USH2A: variants seen among roughly 807,000 people sequenced by gnomAD.
USH2A encodes the protein Usher syndrome 2A (autosomal recessive, mild).
Under a neutral mutation model 538.9 loss-of-function variants are expected in USH2A, and 443 were observed. The observed-to-expected ratio is 0.82, with a 90% CI of 0.76 to 0.89. The LOEUF (loss-of-function observed/expected upper bound fraction) is 0.89. Among genes scored for constraint, USH2A ranks in the 40% least tolerant of loss-of-function variants. The pLI is 0.00. For synonymous variants in USH2A, 2,413 were observed against 2,273.5 expected, an observed-to-expected ratio of 1.06 and a Z score of -1.75; for missense variants, 6,633 against 6,324.8, an observed-to-expected ratio of 1.05 and a Z score of -1.65.
chr1:215,898,388 C>A (rs556619044), intron 40 of USH2A, among the ~76,000 whole-genome samples: 2 of 152,128 alleles, frequency 1.3e-5, no homozygotes, highest in East Asian at 1.9e-4. Context: ...AAAAAGGAGA[C>A]CAAAGGTAAG....
intron 11 of USH2A, among the ~76,000 whole-genome samples, chr1:216,276,589 T>C (rs918092162): frequency 6.6e-6 from 1 of 152,106 alleles, no homozygotes; most frequent in African/African-American, 2.4e-5. Context: ...TGTACTCGTC[T>C]GTTTTCACGC....
intron 11 of USH2A, among the ~76,000 whole-genome samples, chr1:216,281,844 C>T (rs577571150): frequency 1.3e-5 from 2 of 149,396 alleles, no homozygotes; most frequent in African/African-American, 4.9e-5. Flanking sequence ...TCCACATCCT[C>T]ACCAAATTTT....
Position 215,780,061 on chromosome 1 carries a change from G to A in USH2A, c.10741-20C>T, listed in dbSNP as rs1280004875. ...AACTACCTGAAGACGTAGGAATTAA[G>A]CAGCAATTTATTGTAATAGTGCACT... On this transcript the variant is annotated intron_variant, in intron 54 of 71. Transcript: ENST00000307340. 2 of 1,613,672 alleles carry A rather than the reference G, an allele frequency of 1.2e-6. No individual in the cohort carries two copies. The highest frequency in any genetic ancestry group is 1.1e-5 in the South Asian group (1 of 91,042).
At chr1:216,419,529 T>C (rs1381057624) in intron 2 of USH2A, among the ~76,000 whole-genome samples, 2 of 152,112 alleles carry the variant, frequency 1.3e-5, no homozygotes, top group African/African-American at 4.8e-5. Flanking sequence ...TGCTTGGTCC[T>C]GGCACCCTTC....
At chr1:215,908,014 G>A (rs61313936) in intron 38 of USH2A, among the ~76,000 whole-genome samples, 23,919 of 151,952 alleles carry the variant, frequency 0.16, 2,004 homozygotes, top group African/African-American at 0.19. Context: ...TTTAACATAA[G>A]TGAGATTAAT....
chr1:216,098,787 A>T (rs1223315476), intron 21 of USH2A, among the ~76,000 whole-genome samples: 1 of 151,804 alleles, frequency 6.6e-6, no homozygotes, highest in Non-Finnish European at 1.5e-5. Context: ...TGGTATAGGG[A>T]TGTATACAAA....
At chr1:215,949,750 A>C (rs1666866680) in intron 37 of USH2A, among the ~76,000 whole-genome samples, 1 of 152,124 alleles carries the variant, frequency 6.6e-6, no homozygotes, top group Non-Finnish European at 1.5e-5. Flanking sequence ...AATCTGAAGT[A>C]CTACATCATA....
At chr1:216,143,456 T>C (rs894836695) in intron 21 of USH2A, among the ~76,000 whole-genome samples, 5 of 152,168 alleles carry the variant, frequency 3.3e-5, no homozygotes, top group African/African-American at 1.2e-4. Context: ...TGAACATTAT[T>C]TGTACCTACA....
At position 216,312,689 on chromosome 1, in the gene USH2A, T is replaced by C. The variant is rs531999684; in HGVS notation, c.1644+9194A>G. On this transcript the variant is annotated intron_variant, in intron 9 of 71. Coordinates refer to ENST00000307340, the MANE Select transcript of USH2A (RefSeq NM_206933.4). ...GCTTATATTGCCATCTATTTTTGCA[T>C]GTTGTCTACTTTTTCCATTAGAGCC... 3.0e-4 allele frequency among the ~76,000 whole-genome samples: 45 copies of C among 152,320 alleles called. No homozygotes were observed. The South Asian group carries it at 7.2e-3, about 25-fold the overall frequency.
chr1:216,400,216 T>TTATATATATATATA (rs71161422), intron 3 of USH2A, among the ~76,000 whole-genome samples: 1 of 147,226 alleles, frequency 6.8e-6, no homozygotes, highest in African/African-American at 2.5e-5. Context: ...GAAATAGAAG[T>TTATATATATATATA]TATATATATA....
At chr1:216,259,325 G>A (rs2036320721) in intron 11 of USH2A, among the ~76,000 whole-genome samples, 1 of 152,130 alleles carries the variant, frequency 6.6e-6, no homozygotes, top group Non-Finnish European at 1.5e-5. Flanking sequence ...GTGTTTTAAT[G>A]TAGTAACTAC....
At chr1:216,250,316 C>A (rs906259575) in intron 12 of USH2A, among the ~76,000 whole-genome samples, 8 of 152,112 alleles carry the variant, frequency 5.3e-5, no homozygotes, top group African/African-American at 1.7e-4. Context: ...TTATTATAAT[C>A]AACTTGGTGC....
rs781049371 is a variant in USH2A at position 216,250,883 on chromosome 1, A to G, written c.2167+20T>C. On this transcript the variant is annotated intron_variant, in intron 12 of 71. Coordinates refer to ENST00000307340, the MANE Select transcript of USH2A (RefSeq NM_206933.4). ...AGATGGTAATAGAGATGTGACTGTAAACTTTTGCGTTACACGTACCAATAA... is the reference window on the plus strand; with the variant it reads ...AGATGGTAATAGAGATGTGACTGTAGACTTTTGCGTTACACGTACCAATAA... 6.2e-7 allele frequency: 1 copy of G among 1,612,982 alleles called. No individual in the cohort carries two copies. Among genetic ancestry groups the G allele is most frequent in the Non-Finnish European group, 8.5e-7 (1 of 1,179,396 alleles).
chr1:215,879,232 G>A, intron 41 of USH2A, 134 bp from the exon 42 acceptor site: 1 of 746,290 alleles, frequency 1.3e-6, no homozygotes, highest in Non-Finnish European at 2.4e-6. Context: ...TGAGGCCTTT[G>A]GACTAGACAG....
intron 11 of USH2A, among the ~76,000 whole-genome samples, chr1:216,287,281 G>C (rs2036904315): frequency 1.3e-5 from 2 of 152,082 alleles, no homozygotes; most frequent in Non-Finnish European, 2.9e-5. Flanking sequence ...GAAAAACTAG[G>C]AATAGAGAAA....
At chr1:215,803,772 G>A (rs1480082182) in intron 49 of USH2A, among the ~76,000 whole-genome samples, 1 of 151,896 alleles carries the variant, frequency 6.6e-6, no homozygotes, top group Non-Finnish European at 1.5e-5. Context: ...TCACAGAATT[G>A]GAAAAAACTA....
chr1:215,812,120 G>T (rs1046292848), intron 49 of USH2A, among the ~76,000 whole-genome samples: 2 of 150,430 alleles, frequency 1.3e-5, no homozygotes, highest in African/African-American at 4.9e-5. Flanking sequence ...GAGAAGCTGG[G>T]ATTACAGGAG....
chr1:215,781,437 T>A (rs77415019), intron 54 of USH2A, among the ~76,000 whole-genome samples: 1 of 152,200 alleles, frequency 6.6e-6, no homozygotes, highest in African/African-American at 2.4e-5. Context: ...AAGCAGATAT[T>A]TGACAATATC....
intron 45 of USH2A, 71 bp from the exon 46 acceptor site, chr1:215,844,567 ATTAGTAT>A: frequency 6.6e-7 from 1 of 1,526,438 alleles, no homozygotes; most frequent in East Asian, 2.3e-5. Context: ...CTAAATGCAG[ATTAGTAT>A]TTAGGTTTAG....
Sources: gnomAD v4.1 joint callset for allele counts (sites outside exome capture counted in the v4.1 genomes callset) on GRCh38, gnomAD v4.1.1 for gene constraint, MANE v1.5 for transcripts, NCBI Gene and HGNC (gene_info 2026-07-23, HGNC 2026-07-21) for gene names.